UNC5D: variants seen among roughly 807,000 people sequenced by gnomAD.
UNC5D encodes the protein netrin receptor UNC5D.
UNC5D carries 39 observed loss-of-function variants against 105.4 expected under a neutral mutation model. The ratio of observed to expected loss-of-function variants is 0.37; its 90% CI spans 0.29 to 0.48. The LOEUF (loss-of-function observed/expected upper bound fraction) is 0.48. Among genes scored for constraint, UNC5D ranks in the 20% least tolerant of loss-of-function variants. The pLI, the probability that UNC5D is intolerant of heterozygous loss-of-function variation, is 0.98. For synonymous variants in UNC5D, 452 were observed against 450.4 expected, an observed-to-expected ratio of 1.00 and a Z score of -0.04; for missense variants, 991 against 1,202.4, an observed-to-expected ratio of 0.82 and a Z score of 2.60.
At chr8:35,390,869 T>C (rs1180303408) in intron 1 of UNC5D, among the ~76,000 whole-genome samples, 1 of 152,216 alleles carries the variant, frequency 6.6e-6, no homozygotes, top group Non-Finnish European at 1.5e-5. Context: ...ATTCTCCCTA[T>C]TGTTCTGAGT....
intron 4 of UNC5D, among the ~76,000 whole-genome samples, chr8:35,604,538 C>T (rs548931789): frequency 1.2e-3 from 178 of 152,182 alleles, no homozygotes; most frequent in African/African-American, 3.9e-3. Flanking sequence ...TTGCTCTCCT[C>T]GAGGAGTATC....
chr8:35,456,734 G>T (rs1808522436), intron 1 of UNC5D, among the ~76,000 whole-genome samples: 1 of 152,178 alleles, frequency 6.6e-6, no homozygotes, highest in Non-Finnish European at 1.5e-5. Flanking sequence ...TTTGTTAGAA[G>T]TCAAGAGTTG....
At chr8:35,257,372 G>T (rs905298723) in intron 1 of UNC5D, among the ~76,000 whole-genome samples, 1 of 152,260 alleles carries the variant, frequency 6.6e-6, no homozygotes, top group African/African-American at 2.4e-5. Context: ...AAATAGCACA[G>T]AAATGATAGA....
intron 16 of UNC5D, among the ~76,000 whole-genome samples, chr8:35,784,590 G>A (rs1355874156): frequency 1.3e-5 from 2 of 151,858 alleles, no homozygotes; most frequent in African/African-American, 4.8e-5. Flanking sequence ...TCTACTAAAA[G>A]TACAAAAATT....
chr8:35,778,639 A>G (rs192838451), intron 16 of UNC5D, among the ~76,000 whole-genome samples: 25 of 152,336 alleles, frequency 1.6e-4, no homozygotes, highest in Middle Eastern at 3.4e-3. Flanking sequence ...TTGTGACTGC[A>G]CTTTCGCCTG....
chr8:35,568,299 C>A, intron 3 of UNC5D, 58 bp downstream of exon 3: 3 of 1,580,244 alleles, frequency 1.9e-6, no homozygotes, highest in Admixed American at 1.8e-5. Flanking sequence ...TTAAATAGAG[C>A]TGAAGAGAGG....
At chr8:35,414,832 A>G (rs1805427056) in intron 1 of UNC5D, among the ~76,000 whole-genome samples, 1 of 152,062 alleles carries the variant, frequency 6.6e-6, no homozygotes, top group South Asian at 2.1e-4. Context: ...ATCATAATAA[A>G]CTTAATTTCT....
In UNC5D at chr8:35,748,569, C is replaced by T; in HGVS notation, c.1809C>T (p.Val603=). The T allele has an allele frequency of 6.2e-7, 1 of 1,614,062 alleles. No homozygotes were observed. Among genetic ancestry groups the T allele is most frequent in the Non-Finnish European group, 8.5e-7 (1 of 1,179,938 alleles). Residue 603 remains valine (V), a synonymous_variant, in exon 12 of 17, where the codon GTC becomes GTT. Transcript: ENST00000404895. Reference sequence around the variant, plus strand: ...CTGAGGTGCTCCTGAGTCCTGAAGTCACCTGTGGTCCTCCAGACATGATCG... The same window carrying T: ...CTGAGGTGCTCCTGAGTCCTGAAGTTACCTGTGGTCCTCCAGACATGATCG... ...DGSEVLLSPE[V]TCGPPDMIVT...
chr8:35,332,778 A>G (rs113008501), intron 1 of UNC5D, among the ~76,000 whole-genome samples: 14 of 152,264 alleles, frequency 9.2e-5, no homozygotes, highest in African/African-American at 2.9e-4. Flanking sequence ...ATGAACTTCA[A>G]TGGGCTTGGA....
At chr8:35,522,201 T>C (rs1385962406) in intron 1 of UNC5D, among the ~76,000 whole-genome samples, 4 of 152,196 alleles carry the variant, frequency 2.6e-5, no homozygotes, top group Admixed American at 1.3e-4. Flanking sequence ...TCGGGATAAA[T>C]TCTGTTACAA....
At chr8:35,607,955 C>T (rs866479245) in intron 4 of UNC5D, among the ~76,000 whole-genome samples, 5 of 152,136 alleles carry the variant, frequency 3.3e-5, no homozygotes, top group Non-Finnish European at 5.9e-5. Context: ...ATGGTGTTCT[C>T]CTCTCTGTGT....
chr8:35,754,363 T>C (rs948517171), intron 13 of UNC5D, among the ~76,000 whole-genome samples: 8 of 152,228 alleles, frequency 5.3e-5, no homozygotes, highest in African/African-American at 1.9e-4. Flanking sequence ...GTGAACATGG[T>C]TGTTACAGCT....
In UNC5D at chr8:35,235,843, G is replaced by A; in HGVS notation, c.59G>A (p.Trp20Ter). 2 of 1,230,628 alleles carry A rather than the reference G, an allele frequency of 1.6e-6. No individual in the cohort carries two copies. The highest frequency in any genetic ancestry group is 2.0e-6 in the Non-Finnish European group (2 of 986,964). The allele number at this position is 1,230,628 out of a possible 1,614,324, so 76.2% of individuals were successfully genotyped here. The part of the protein sequence containing the change: ...GGGGARRWLP[W>*]LGLCFWAAGT... ...GGAGGGGCGCGCCGCTGGCTCCCGTGGCTGGGGCTGTGCTTCTGGGCGGCA... is the reference window on the plus strand; with the variant it reads ...GGAGGGGCGCGCCGCTGGCTCCCGTAGCTGGGGCTGTGCTTCTGGGCGGCA... The change falls in exon 1 of 17, where the codon TGG (tryptophan) becomes TAG (stop). Residue 20 changes from tryptophan to a stop codon, truncating the protein, a stop_gained. Coordinates refer to ENST00000404895, the MANE Select transcript of UNC5D (RefSeq NM_080872.4). LOFTEE classifies it high-confidence loss of function.
In UNC5D at chr8:35,277,125, G is replaced by T. The variant is rs77479322; in HGVS notation, c.103+41238G>T. On this transcript the variant is annotated intron_variant, in intron 1 of 16. Transcript: ENST00000404895. Reference sequence around the variant, plus strand: ...GAGTTGGTCTGGCGATAATTTCCAGGCCTTCCCCCGTAACCGGTTACAGAA... The same window carrying T: ...GAGTTGGTCTGGCGATAATTTCCAGTCCTTCCCCCGTAACCGGTTACAGAA... 2.9e-3 allele frequency among the ~76,000 whole-genome samples: 443 copies of T among 152,202 alleles called. 18 individuals are homozygous for T. In the East Asian group the frequency reaches 0.078, roughly 27 times the overall value.
chr8:35,681,552 T>C lies in UNC5D; in HGVS notation c.571-1995T>C, dbSNP rs72634972. 9.2e-3 allele frequency among the ~76,000 whole-genome samples: 1,408 copies of C among 152,344 alleles called. 7 individuals carry two copies. Among genetic ancestry groups the C allele is most frequent in the Non-Finnish European group, 0.014 (974 of 68,038 alleles). ...CACAGGCTGGTAGTCAGATGTATTA[T>C]AAAATTGGTTCCATTGCCCTACTTT... is the stretch of plus-strand genomic sequence containing the variant. On this transcript the variant is annotated intron_variant, in intron 4 of 16. Coordinates refer to ENST00000404895, the MANE Select transcript of UNC5D (RefSeq NM_080872.4).
At chr8:35,715,354 G>A (rs556798932) in intron 8 of UNC5D, among the ~76,000 whole-genome samples, 89 of 152,204 alleles carry the variant, frequency 5.8e-4, no homozygotes, top group African/African-American at 2.0e-3. Context: ...ACTATCAATA[G>A]TTACTACTTT....
intron 1 of UNC5D, among the ~76,000 whole-genome samples, chr8:35,263,113 CT>C (rs1415025026): frequency 3.3e-5 from 5 of 152,066 alleles, no homozygotes; most frequent in African/African-American, 1.2e-4. Flanking sequence ...TTCACATATT[CT>C]TTTTTAAGAG....
intron 1 of UNC5D, among the ~76,000 whole-genome samples, chr8:35,292,618 T>C (rs1179258103): frequency 6.6e-6 from 1 of 152,138 alleles, no homozygotes; most frequent in Non-Finnish European, 1.5e-5. Context: ...TAACTACTAA[T>C]AGCCTACTGT....
chr8:35,488,196 C>T (rs1453532259), intron 1 of UNC5D, among the ~76,000 whole-genome samples: 1 of 152,094 alleles, frequency 6.6e-6, no homozygotes, highest in African/African-American at 2.4e-5. Context: ...GGGTGTAACC[C>T]ATGGATACAA....
Sources: allele counts gnomAD v4.1 joint callset (sites outside exome capture counted in the v4.1 genomes callset), GRCh38; gene constraint gnomAD v4.1.1; transcripts MANE v1.5; gene names NCBI Gene and HGNC (gene_info 2026-07-23, HGNC 2026-07-21).